The following TRMT9B variants were observed in gnomAD, a reference collection of about 807,000 sequenced individuals.
TRMT9B encodes tRNA methyltransferase 9B (putative).
A neutral mutation model predicts 11.5 loss-of-function variants in TRMT9B; 16 were observed. The ratio of observed to expected loss-of-function variants is 1.39; its 90% confidence interval spans 0.94 to 2.11. The LOEUF (loss-of-function observed/expected upper bound fraction) is 2.11, where lower values mean the gene tolerates loss of function less well. Among genes scored for constraint, TRMT9B ranks in the 30% most tolerant of loss-of-function variants. The pLI, the probability that TRMT9B is intolerant of heterozygous loss-of-function variation, is 0.00. For missense variants in TRMT9B, 941 were observed against 553.8 expected, an observed-to-expected ratio of 1.70 and a Z score of -7.02; for synonymous variants, 274 against 192.4, an observed-to-expected ratio of 1.42 and a Z score of -3.51.
intron 4 of TRMT9B, among the ~76,000 whole-genome samples, chr8:13,020,012 T>C (rs1007003994): frequency 7.2e-5 from 11 of 152,236 alleles, no homozygotes; most frequent in African/African-American, 2.7e-4. Context: ...TCTTTACTAG[T>C]TTGATCTGTA....
chr8:12,952,199 C>T (rs1192750346), intron 1 of TRMT9B: 1 of 452,980 alleles, frequency 2.2e-6, no homozygotes, highest in South Asian at 1.6e-5. Context: ...GCGGAAAGCG[C>T]CGGCGACCGG....
rs74983554 is a variant in TRMT9B at position 13,022,876 on chromosome 8, A to C, written c.*832A>C. ...TGCATGCCTGTCATCCAAGCTACTC[A>C]AGAGACTGAGGCAGGAGGATCACGT... On this transcript the variant is annotated 3_prime_UTR_variant, in exon 5 of 5. Coordinates refer to ENST00000524591, the MANE Select transcript of TRMT9B (RefSeq NM_020844.3). 1 of 166,328 alleles carries C rather than the reference A, an allele frequency of 6.0e-6. No individual in the cohort carries two copies. Among genetic ancestry groups the C allele is most frequent in the Non-Finnish European group, 1.5e-5 (1 of 68,116 alleles). The allele number at this position is 166,328 out of a possible 1,614,324, so 10.3% of individuals were successfully genotyped here. A position where few individuals can be genotyped will look rare whatever the true frequency, so the allele number is the denominator to read the frequency against.
At chr8:13,019,023 T>A (rs532030879) in intron 4 of TRMT9B, among the ~76,000 whole-genome samples, 1 of 152,316 alleles carries the variant, frequency 6.6e-6, no homozygotes, top group East Asian at 1.9e-4. Context: ...GCTGGGAATA[T>A]TTGCACTGAG....
chr8:13,004,009 C>T (rs1201412295), intron 2 of TRMT9B, among the ~76,000 whole-genome samples: 4 of 151,718 alleles, frequency 2.6e-5, no homozygotes, highest in Admixed American at 6.6e-5. Flanking sequence ...GAGAATGCTG[C>T]GTTTGTGAAA....
At chr8:12,955,388 T>C (rs1244586774) in intron 1 of TRMT9B, among the ~76,000 whole-genome samples, 3 of 152,106 alleles carry the variant, frequency 2.0e-5, no homozygotes, top group Non-Finnish European at 4.4e-5. Flanking sequence ...TTCACACATA[T>C]GCGTGTTTTT....
At chr8:12,956,236 C>T (rs1042044753) in intron 1 of TRMT9B, among the ~76,000 whole-genome samples, 1 of 152,026 alleles carries the variant, frequency 6.6e-6, no homozygotes, top group African/African-American at 2.4e-5. Flanking sequence ...ATCCATCATG[C>T]CTAACACATA....
intron 4 of TRMT9B, among the ~76,000 whole-genome samples, chr8:13,014,319 C>T (rs1812217209): frequency 6.6e-6 from 1 of 152,204 alleles, no homozygotes; most frequent in South Asian, 2.1e-4. Context: ...TTCGCTTAAA[C>T]AACAGACATT....
intron 1 of TRMT9B, among the ~76,000 whole-genome samples, chr8:12,961,377 C>G (rs185237271): frequency 6.6e-6 from 1 of 151,774 alleles, no homozygotes; most frequent in African/African-American, 2.4e-5. Context: ...TAAGAAATAC[C>G]TCACTTGATG....
intron 2 of TRMT9B, among the ~76,000 whole-genome samples, chr8:12,996,022 G>T (rs1808273594): frequency 6.6e-6 from 1 of 152,150 alleles, no homozygotes; most frequent in African/African-American, 2.4e-5. Flanking sequence ...CCATGAAACA[G>T]CAAGATAATT....
chr8:12,947,950 C>T (rs542002616), intron 1 of TRMT9B, among the ~76,000 whole-genome samples: 1 of 152,154 alleles, frequency 6.6e-6, no homozygotes, highest in African/African-American at 2.4e-5. Context: ...TCATGGCCGG[C>T]CATCTGTAGC....
chr8:12,946,176 C>T (rs754238), intron 1 of TRMT9B, among the ~76,000 whole-genome samples: 5 of 152,026 alleles, frequency 3.3e-5, no homozygotes, highest in African/African-American at 2.4e-5. Context: ...ATGTAAGAAG[C>T]ATCTAGATCA....
chr8:13,009,082 A>G lies in TRMT9B; in HGVS notation c.154+2726A>G, dbSNP rs200150776. On this transcript the variant is annotated intron_variant, in intron 3 of 4. Transcript: ENST00000524591. ...TCAACATCACTGTAAAAAAAGGACC[A>G]GCATCCTGTCATTTGCGACAACACG... 8.5e-5 allele frequency among the ~76,000 whole-genome samples: 13 copies of G among 152,202 alleles called. No individual in the cohort carries two copies. In the East Asian group the frequency reaches 2.5e-3, roughly 29 times the overall value.
At chr8:12,983,601 C>T (rs546712927) in intron 1 of TRMT9B, among the ~76,000 whole-genome samples, 19 of 152,168 alleles carry the variant, frequency 1.2e-4, no homozygotes, top group Admixed American at 3.3e-4. Flanking sequence ...ATCCAGGAGG[C>T]GGAGGTAGCA....
intron 4 of TRMT9B, among the ~76,000 whole-genome samples, chr8:13,017,649 T>C (rs1357356851): frequency 6.8e-6 from 1 of 147,520 alleles, no homozygotes; most frequent in African/African-American, 2.5e-5. Context: ...TGTCTTACTC[T>C]GTCACCCAGG....
At chr8:13,012,031 C>T (rs1379054492) in intron 3 of TRMT9B, 8 of 985,168 alleles carry the variant, frequency 8.1e-6, no homozygotes, top group Non-Finnish European at 9.6e-6. Context: ...TGAATGTGAG[C>T]TTAGAGGCTA....
intron 2 of TRMT9B, among the ~76,000 whole-genome samples, chr8:13,004,124 C>T (rs576445380): frequency 1.8e-4 from 27 of 152,058 alleles, no homozygotes; most frequent in African/African-American, 6.5e-4. Context: ...CCAGCCCTAG[C>T]CAGAGGGGAA....
Position 13,024,842 on chromosome 8 carries a change from T to G in TRMT9B, c.*2798T>G, listed in dbSNP as rs1288450086. The G allele has an allele frequency of 1.8e-5, 3 of 166,980 alleles. No individual in the cohort carries two copies. Among genetic ancestry groups the G allele is most frequent in the Non-Finnish European group, 4.4e-5 (3 of 68,114 alleles). The allele number at this position is 166,980 out of a possible 1,614,324, so 10.3% of individuals were successfully genotyped here. Reference sequence around the variant, plus strand: ...GTATACAAATATTTAATTTGGTGATTGATAATCTCTCTTTGGGGTAGTCAC... The same window carrying G: ...GTATACAAATATTTAATTTGGTGATGGATAATCTCTCTTTGGGGTAGTCAC... On this transcript the variant is annotated 3_prime_UTR_variant, in exon 5 of 5. Coordinates refer to ENST00000524591, the MANE Select transcript of TRMT9B (RefSeq NM_020844.3).
intron 1 of TRMT9B, among the ~76,000 whole-genome samples, chr8:12,975,078 C>T (rs759007467): frequency 9.3e-5 from 14 of 149,922 alleles, no homozygotes; most frequent in Non-Finnish European, 1.6e-4. Context: ...TGGGGAAAAT[C>T]GATGATTGAG....
chr8:12,966,014 A>G (rs999508805), intron 1 of TRMT9B, among the ~76,000 whole-genome samples: 6 of 151,624 alleles, frequency 4.0e-5, no homozygotes, highest in African/African-American at 1.5e-4. Flanking sequence ...CTCTGTCTCA[A>G]AAAGAAAAAA....
Sources: allele counts gnomAD v4.1 joint callset (sites outside exome capture counted in the v4.1 genomes callset), GRCh38; gene constraint gnomAD v4.1.1; transcripts MANE v1.5; gene names NCBI Gene and HGNC (gene_info 2026-07-23, HGNC 2026-07-21).